CCDC152: variants seen among roughly 807,000 people sequenced by gnomAD.
The protein encoded by CCDC152 is coiled-coil domain containing 152, also known as coiled-coil domain-containing protein 152.
CCDC152 carries 37 observed loss-of-function variants against 38.1 expected under a neutral mutation model. The observed-to-expected ratio is 0.97, with a 90% confidence interval of 0.75 to 1.28. The LOEUF is 1.28. Ranked by LOEUF, CCDC152 falls within the 50% of genes most tolerant of loss-of-function variation. The pLI is 0.00. For missense variants in CCDC152, 259 were observed against 292.1 expected, an observed-to-expected ratio of 0.89 and a Z score of 0.83; for synonymous variants, 83 against 87.1, an observed-to-expected ratio of 0.95 and a Z score of 0.26.
At chr5:42,780,668 C>A (rs1177016557) in intron 5 of CCDC152, among the ~76,000 whole-genome samples, 7 of 152,042 alleles carry the variant, frequency 4.6e-5, no homozygotes, top group African/African-American at 9.7e-5. Flanking sequence ...TAGGGGCTGC[C>A]CAAAGCAAAC....
At chr5:42,795,492 G>A (rs1760062173) in intron 6 of CCDC152, among the ~76,000 whole-genome samples, 1 of 152,082 alleles carries the variant, frequency 6.6e-6, no homozygotes, top group South Asian at 2.1e-4. Flanking sequence ...AATTAGTAAT[G>A]ATATAGAAAA....
intron 1 of CCDC152, among the ~76,000 whole-genome samples, chr5:42,758,109 AAGATAATAATTCG>A (rs1469869697): frequency 6.6e-6 from 1 of 152,226 alleles, no homozygotes; most frequent in African/African-American, 2.4e-5. Context: ...TGTCATACAT[AAGATAATAATTCG>A]AGATAATAAT....
chr5:42,760,838 G>A (rs1267017832), intron 2 of CCDC152, among the ~76,000 whole-genome samples: 1 of 152,154 alleles, frequency 6.6e-6, no homozygotes, highest in African/African-American at 2.4e-5. Context: ...AAAGAGAAAG[G>A]AATAAGAAGC....
chr5:42,770,692 A>G (rs1759685689), intron 4 of CCDC152, among the ~76,000 whole-genome samples: 1 of 152,158 alleles, frequency 6.6e-6, no homozygotes, highest in Non-Finnish European at 1.5e-5. Context: ...TGGCATTTTG[A>G]TAGCGATTGC....
intron 5 of CCDC152, 61 bp from the exon 6 acceptor site, chr5:42,783,413 G>A: frequency 1.6e-6 from 1 of 612,834 alleles, no homozygotes; most frequent in African/African-American, 2.0e-5. Flanking sequence ...ACCTTTCTAG[G>A]AATCAGAAGT....
At chr5:42,756,932 T>TAG (rs1759486941) in intron 1 of CCDC152, 47 bp downstream of exon 1, 1 of 152,738 alleles carries the variant, frequency 6.5e-6, no homozygotes, top group Admixed American at 6.5e-5. Flanking sequence ...GCTTTCTCCA[T>TAG]AGAGATTCCT....
At chr5:42,772,488 A>G (rs533381408) in intron 4 of CCDC152, among the ~76,000 whole-genome samples, 1 of 152,174 alleles carries the variant, frequency 6.6e-6, no homozygotes, top group African/African-American at 2.4e-5. Context: ...CTCTACTAAA[A>G]AAAAATACAA....
intron 5 of CCDC152, among the ~76,000 whole-genome samples, chr5:42,779,982 G>T (rs1351497716): frequency 1.3e-5 from 2 of 152,010 alleles, no homozygotes; most frequent in African/African-American, 4.8e-5. Flanking sequence ...TCTCTCCCAG[G>T]AGCCACCATA....
At chr5:42,770,512 C>T (rs1208926011) in intron 4 of CCDC152, among the ~76,000 whole-genome samples, 1 of 150,956 alleles carries the variant, frequency 6.6e-6, no homozygotes, top group Non-Finnish European at 1.5e-5. Flanking sequence ...TTTTTTTTAA[C>T]AGTGCTGTAC....
chr5:42,786,837 G>C (rs916098327), intron 6 of CCDC152, among the ~76,000 whole-genome samples: 1 of 151,844 alleles, frequency 6.6e-6, no homozygotes, highest in African/African-American at 2.4e-5. Context: ...GTTTTGGTAT[G>C]TTATGACTGC....
intron 2 of CCDC152, among the ~76,000 whole-genome samples, 158 bp from the exon 3 acceptor site, chr5:42,762,285 T>A (rs901046609): frequency 5.9e-5 from 9 of 152,246 alleles, no homozygotes; most frequent in African/African-American, 2.2e-4. Context: ...CTGTTGTTGA[T>A]CAAAATGTCT....
chr5:42,799,200 G>A (rs1280749973), intron 7 of CCDC152, among the ~76,000 whole-genome samples, 175 bp from the exon 8 acceptor site: 1 of 151,662 alleles, frequency 6.6e-6, no homozygotes, highest in East Asian at 1.9e-4. Flanking sequence ...TTGTTTTTCT[G>A]TTCTTTGCTC....
chr5:42,775,645 T>C (rs1266277179), intron 4 of CCDC152, among the ~76,000 whole-genome samples: 1 of 152,086 alleles, frequency 6.6e-6, no homozygotes, highest in African/African-American at 2.4e-5. Flanking sequence ...AAGGAATAAG[T>C]GAAGGTAAAA....
In CCDC152 at chr5:42,801,114, C is replaced by A; in HGVS notation, c.*1333C>A. On this transcript the variant is annotated 3_prime_UTR_variant, in exon 9 of 9. Transcript: ENST00000361970. ...CTCTGGGTGACCCTGCCTATGCTGA[C>A]CCTTGTGCTTATGGTGGTGATGAAG... is the stretch of plus-strand genomic sequence containing the variant. 1.2e-6 allele frequency: 2 copies of A among 1,614,110 alleles called. No individual in the cohort carries two copies. Among genetic ancestry groups the A allele is most frequent in the Middle Eastern group, 1.6e-4 (1 of 6,062 alleles).
At chr5:42,789,983 C>T (rs999993248) in intron 6 of CCDC152, among the ~76,000 whole-genome samples, 3 of 152,012 alleles carry the variant, frequency 2.0e-5, no homozygotes, top group South Asian at 2.1e-4. Context: ...AATTGGACTT[C>T]GTCAAAGTTA....
chr5:42,789,581 A>T (rs1178897630), intron 6 of CCDC152, among the ~76,000 whole-genome samples: 1 of 152,180 alleles, frequency 6.6e-6, no homozygotes, highest in Non-Finnish European at 1.5e-5. Flanking sequence ...GGTTCCTAGT[A>T]TTTACACTTA....
chr5:42,799,820 G>A lies in CCDC152; in HGVS notation c.*39G>A. The A allele has an allele frequency of 1.3e-6, 2 of 1,543,718 alleles. No homozygotes were observed. Among genetic ancestry groups the A allele is most frequent in the Middle Eastern group, 1.7e-4 (1 of 5,916 alleles). On this transcript the variant is annotated 3_prime_UTR_variant, in exon 9 of 9. Transcript: ENST00000361970. ...TTCATTAGTTGGTATTTATTTAAAA[G>A]CAATCGAAAGTTTCACTTCTGTTTT...
At chr5:42,780,062 C>G (rs960512286) in intron 5 of CCDC152, among the ~76,000 whole-genome samples, 1 of 152,044 alleles carries the variant, frequency 6.6e-6, no homozygotes, top group Non-Finnish European at 1.5e-5. Flanking sequence ...ACATGAACAG[C>G]GTGTAAAAAG....
At chr5:42,782,571 G>T (rs1240591667) in intron 5 of CCDC152, among the ~76,000 whole-genome samples, 2 of 152,076 alleles carry the variant, frequency 1.3e-5, no homozygotes, top group Non-Finnish European at 2.9e-5. Flanking sequence ...AAAAATTTTA[G>T]TTGGAAAGGA....
Sources: allele counts gnomAD v4.1 joint callset (sites outside exome capture counted in the v4.1 genomes callset), GRCh38; gene constraint gnomAD v4.1.1; transcripts MANE v1.5; gene names NCBI Gene and HGNC (gene_info 2026-07-23, HGNC 2026-07-21).